Variants in ARSG observed in about 807,000 individuals in gnomAD.
ARSG encodes arylsulfatase G, also known as ASG.
In ARSG, 37 loss-of-function variants were observed where a neutral mutation model predicts 50.5. The observed-to-expected ratio is 0.73, with a 90% CI of 0.56 to 0.96. The LOEUF (loss-of-function observed/expected upper bound fraction) is 0.96. Ranked by LOEUF, ARSG falls within the 50% of genes least tolerant of loss-of-function variation. The probability of loss-of-function intolerance (pLI) is 0.00; values close to 1 mark genes in which losing one functional copy is unlikely to be tolerated. For missense variants in ARSG, 629 were observed against 675.3 expected (o/e 0.93, Z 0.76); for synonymous variants, 225 against 254.6 (o/e 0.88, Z 1.11).
chr17:68,418,025 C>T (rs767301355), intron 11 of ARSG, among the ~76,000 whole-genome samples: 28 of 152,130 alleles, frequency 1.8e-4, no homozygotes, highest in Non-Finnish European at 2.8e-4. Context: ...CCACCACACC[C>T]GGCTGAGTTG....
intron 1 of ARSG, among the ~76,000 whole-genome samples, chr17:68,263,322 C>A (rs532532996): frequency 6.6e-6 from 1 of 152,214 alleles, no homozygotes; most frequent in South Asian, 2.1e-4. Context: ...CGATCGCCCT[C>A]ACTTAGGACA....
intron 1 of ARSG, among the ~76,000 whole-genome samples, chr17:68,274,970 G>T (rs1264588653): frequency 1.3e-5 from 2 of 152,116 alleles, no homozygotes; most frequent in Non-Finnish European, 2.9e-5. Flanking sequence ...AGTAGAGATG[G>T]GGTTTCTCCA....
intron 1 of ARSG, among the ~76,000 whole-genome samples, chr17:68,277,516 G>A (rs1454031475): frequency 3.3e-5 from 5 of 152,042 alleles, no homozygotes; most frequent in Non-Finnish European, 7.4e-5. Context: ...TGCAACCTCC[G>A]CCTCCTGGGT....
At chr17:68,357,385 G>A (rs2079080148) in intron 6 of ARSG, among the ~76,000 whole-genome samples, 1 of 152,102 alleles carries the variant, frequency 6.6e-6, no homozygotes, top group Non-Finnish European at 1.5e-5. Context: ...TCTGAGCTAT[G>A]GCCATATCAT....
intron 1 of ARSG, among the ~76,000 whole-genome samples, chr17:68,270,607 T>G (rs141081222): frequency 6.6e-6 from 1 of 151,734 alleles, no homozygotes; most frequent in African/African-American, 2.4e-5. Flanking sequence ...CAGCTTCCAG[T>G]CCTGAATCGA....
At chr17:68,285,006 T>C (rs1555753968) in intron 1 of ARSG, among the ~76,000 whole-genome samples, 1 of 152,234 alleles carries the variant, frequency 6.6e-6, no homozygotes, top group East Asian at 1.9e-4. Context: ...TGCCAGGTCC[T>C]CGCTTTCACT....
intron 9 of ARSG, among the ~76,000 whole-genome samples, chr17:68,391,833 G>A (rs7224186): frequency 0.15 from 23,324 of 152,124 alleles, 3,404 homozygotes; most frequent in East Asian, 0.36. Context: ...CCTGGAGCTT[G>A]TTTCTTAAGA....
At chr17:68,375,845 C>T (rs914006417) in intron 8 of ARSG, among the ~76,000 whole-genome samples, 3 of 151,966 alleles carry the variant, frequency 2.0e-5, no homozygotes, top group African/African-American at 7.3e-5. Context: ...AGGAGAATAG[C>T]GAGAGATGGG....
At position 68,358,083 on chromosome 17, in the gene ARSG, G is replaced by C. The variant is rs116708832; in HGVS notation, c.704+1279G>C. 3.9e-3 allele frequency among the ~76,000 whole-genome samples: 593 copies of C among 152,120 alleles called. 5 individuals carry two copies. Among genetic ancestry groups the C allele is most frequent in the African/African-American group, 0.013 (554 of 41,494 alleles). On this transcript the variant is annotated intron_variant, in intron 6 of 11. Transcript: ENST00000621439. ...CTGGGCGTGGTGATCTGCACATGTTGTTCCAGCTACTTGGTAGGCTGAGGA... is the reference window on the plus strand; with the variant it reads ...CTGGGCGTGGTGATCTGCACATGTTCTTCCAGCTACTTGGTAGGCTGAGGA...
intron 2 of ARSG, among the ~76,000 whole-genome samples, chr17:68,336,602 C>T (rs1318738777): frequency 6.6e-6 from 1 of 152,138 alleles, no homozygotes; most frequent in Non-Finnish European, 1.5e-5. Flanking sequence ...CCTGTAATCC[C>T]AGCACTTTGG....
intron 2 of ARSG, among the ~76,000 whole-genome samples, chr17:68,331,253 C>A (rs540127157): frequency 8.0e-6 from 1 of 124,242 alleles, no homozygotes; most frequent in South Asian, 2.5e-4. Flanking sequence ...TTCTTTCTTT[C>A]TTTCTTTCTT....
downstream of ARSG, chr17:68,421,872 G>A (rs1215548230): frequency 6.2e-7 from 1 of 1,611,456 alleles, no homozygotes; most frequent in Non-Finnish European, 8.5e-7. Context: ...GAGGCTGGTA[G>A]GCAGGTGCAT....
chr17:68,401,271 C>G, intron 10 of ARSG, 89 bp from the exon 11 acceptor site: 1 of 1,170,840 alleles, frequency 8.5e-7, no homozygotes, highest in African/African-American at 1.5e-5. Flanking sequence ...GATCCTCCTG[C>G]CTCGACCTCC....
At chr17:68,329,069 G>C (rs1027623763) in intron 2 of ARSG, among the ~76,000 whole-genome samples, 2 of 152,178 alleles carry the variant, frequency 1.3e-5, no homozygotes, top group Non-Finnish European at 2.9e-5. Flanking sequence ...GGACAAACTC[G>C]AACAGTGCTG....
chr17:68,389,580 C>T (rs141665826), intron 9 of ARSG, among the ~76,000 whole-genome samples: 9 of 152,248 alleles, frequency 5.9e-5, no homozygotes, highest in East Asian at 3.9e-4. Context: ...ACTGCTCCCA[C>T]GGCCTAGGGA....
In ARSG at chr17:68,307,599, C is replaced by T; in HGVS notation, c.106C>T (p.Pro36Ser). 1 of 1,614,034 alleles carries T rather than the reference C, an allele frequency of 6.2e-7. No homozygotes were observed. The highest frequency in any genetic ancestry group is 1.1e-5 in the South Asian group (1 of 91,074). Residue 36 changes from proline to serine, a missense_variant, in exon 2 of 12, where the codon CCA (proline) becomes TCA (serine). Physicochemically the swap from Pro to Ser is moderately conservative, Grantham distance 74. Transcript: ENST00000621439. ...CAGTGGGAAAACAAGAGGACAGAAG[C>T]CAAACTTTGTGATTATTTTGGCCGA... ...CISGKTRGQK[P>S]NFVIILADDM...
Position 68,367,721 on chromosome 17 carries a change from A to G in ARSG, c.705-827A>G, listed in dbSNP as rs963674580. On this transcript the variant is annotated intron_variant, in intron 6 of 11. Transcript: ENST00000621439. This position sits in a 1 kb window ranked among gnomAD's most constrained non-coding sequence, Gnocchi z 4.5. Reference sequence around the variant, plus strand: ...CTGATCTAGATGTTACCTGGTGGTCATATGTGTCCTTGAAATTCCTGTGAT... The same window carrying G: ...CTGATCTAGATGTTACCTGGTGGTCGTATGTGTCCTTGAAATTCCTGTGAT... 6.6e-6 allele frequency among the ~76,000 whole-genome samples: 1 copy of G among 152,230 alleles called. No homozygotes were observed. The highest frequency in any genetic ancestry group is 1.9e-4 in the East Asian group (1 of 5,194).
At chr17:68,444,371 CCTCA>C in the ARSG span, 1 of 833,008 alleles carries the variant, frequency 1.2e-6, no homozygotes, top group Non-Finnish European at 2.0e-6. Context: ...TCGAGATAAA[CCTCA>C]CTAAGACTCA....
At chr17:68,276,125 G>A (rs2075510337) in intron 1 of ARSG, among the ~76,000 whole-genome samples, 1 of 151,456 alleles carries the variant, frequency 6.6e-6, no homozygotes. Flanking sequence ...ACAGAGTCTT[G>A]CTCTGTCTCC....
Sources: gnomAD v4.1 joint callset for allele counts (sites outside exome capture counted in the v4.1 genomes callset) on GRCh38, gnomAD v4.1.1 for gene constraint, Gnocchi (gnomAD v3.1) non-coding constraint, MANE v1.5 for transcripts, NCBI Gene and HGNC (gene_info 2026-07-23, HGNC 2026-07-21) for gene names.